Variants in HACD2 observed in about 807,000 individuals in gnomAD.
HACD2 encodes the protein very-long-chain (3R)-3-hydroxyacyl-CoA dehydratase 2.
HACD2 carries 15 observed loss-of-function variants against 31.0 expected under a neutral mutation model. The observed-to-expected ratio is 0.48, with a 90% CI of 0.32 to 0.75. HACD2 has a LOEUF of 0.75. HACD2 is among the 30% of genes least tolerant of loss of function. The probability of loss-of-function intolerance (pLI) is 0.03; values close to 1 mark genes in which losing one functional copy is unlikely to be tolerated. For missense variants in HACD2, 283 were observed against 313.0 expected (o/e 0.90, Z 0.72); for synonymous variants, 115 against 122.2 (o/e 0.94, Z 0.39).
chr3:123,552,239 T>C (rs2056627734), intron 3 of HACD2, among the ~76,000 whole-genome samples: 2 of 152,080 alleles, frequency 1.3e-5, no homozygotes, highest in Admixed American at 1.3e-4. Context: ...TATGGCAATC[T>C]GAAAACGGCA....
intron 2 of HACD2, among the ~76,000 whole-genome samples, chr3:123,571,391 C>T (rs1322361786): frequency 6.6e-6 from 1 of 152,156 alleles, no homozygotes; most frequent in African/African-American, 2.4e-5. Context: ...GTGGGTGGAC[C>T]AGACCCAACC....
intron 4 of HACD2, among the ~76,000 whole-genome samples, chr3:123,527,801 T>A (rs909727178): frequency 6.6e-6 from 1 of 152,210 alleles, no homozygotes; most frequent in African/African-American, 2.4e-5. Flanking sequence ...GATAAATGCT[T>A]AGTAAATATG....
chr3:123,577,436 A>G (rs2056919171), intron 2 of HACD2, among the ~76,000 whole-genome samples: 1 of 151,982 alleles, frequency 6.6e-6, no homozygotes, highest in Non-Finnish European at 1.5e-5. Flanking sequence ...CCTGGCTAAC[A>G]TGGTGAAACC....
intron 1 of HACD2, among the ~76,000 whole-genome samples, chr3:123,583,329 T>C (rs2056986011): frequency 6.6e-6 from 1 of 152,178 alleles, no homozygotes; most frequent in Admixed American, 6.5e-5. Flanking sequence ...CTTACCAATG[T>C]ACCTCAAAAT....
At chr3:123,551,456 T>C (rs945864066) in intron 3 of HACD2, among the ~76,000 whole-genome samples, 4 of 150,568 alleles carry the variant, frequency 2.7e-5, no homozygotes, top group Admixed American at 2.6e-4. Flanking sequence ...CCATCTCTAC[T>C]AAAAAAAAAT....
At chr3:123,509,623 T>C (rs574212771) in intron 4 of HACD2, among the ~76,000 whole-genome samples, 377 of 151,536 alleles carry the variant, frequency 2.5e-3, no homozygotes, top group African/African-American at 8.4e-3. Flanking sequence ...CTCAGCCTCC[T>C]GAGTAGCTGG....
At chr3:123,545,984 T>G (rs1208876651) in intron 3 of HACD2, among the ~76,000 whole-genome samples, 1 of 152,070 alleles carries the variant, frequency 6.6e-6, no homozygotes, top group East Asian at 1.9e-4. Flanking sequence ...GTGCTGGGAT[T>G]ACAAGAATGA....
At chr3:123,574,548 T>G (rs1218508550) in intron 2 of HACD2, among the ~76,000 whole-genome samples, 1 of 152,208 alleles carries the variant, frequency 6.6e-6, no homozygotes, top group Non-Finnish European at 1.5e-5. Context: ...TGTAAAACTC[T>G]ATTTCTCTTT....
At chr3:123,559,891 G>T (rs1424286439) in intron 3 of HACD2, among the ~76,000 whole-genome samples, 2 of 152,176 alleles carry the variant, frequency 1.3e-5, no homozygotes, top group Admixed American at 1.3e-4. Context: ...CTTGCAAAGT[G>T]CGAGGTACCA....
chr3:123,513,667 C>T (rs1461982368), intron 4 of HACD2, among the ~76,000 whole-genome samples: 1 of 152,148 alleles, frequency 6.6e-6, no homozygotes, highest in Non-Finnish European at 1.5e-5. Flanking sequence ...TGTGGCAGGA[C>T]CATCACAGCA....
intron 4 of HACD2, among the ~76,000 whole-genome samples, chr3:123,509,352 A>G (rs1006365850): frequency 1.1e-4 from 16 of 152,014 alleles, no homozygotes; most frequent in African/African-American, 3.4e-4. Flanking sequence ...TGGGCAACAG[A>G]GCAAGACCCT....
chr3:123,567,520 A>G (rs2056804502), intron 3 of HACD2, among the ~76,000 whole-genome samples: 1 of 152,198 alleles, frequency 6.6e-6, no homozygotes, highest in South Asian at 2.1e-4. Context: ...GGTGGGAGAC[A>G]CCTCTTTTAA....
At position 123,584,875 on chromosome 3, in the gene HACD2, G is replaced by A; in HGVS notation, c.153C>T (p.Ala51=). Residue 51 remains alanine (A), a splice_region_variant and synonymous_variant, in exon 1 of 7, where the codon GCC becomes GCT. Coordinates refer to ENST00000383657, the MANE Select transcript of HACD2 (RefSeq NM_198402.5). The stretch of plus-strand genomic sequence containing the variant: ...GCCTCCCCGAGCCCCAGCCTCACCC[G>A]GCTGTCATCACCACATTGTAGATGA... ...YLVIYNVVMT[A]GWLVIAVGLV... is the part of the protein sequence containing the mutation. The A allele has an allele frequency of 4.0e-6, 6 of 1,499,836 alleles. No homozygotes were observed. The highest frequency in any genetic ancestry group is 1.3e-5 in the South Asian group (1 of 79,610). 92.9% of individuals were successfully genotyped at this position (1,499,836 alleles called of 1,614,324 possible).
At chr3:123,584,629 G>C (rs978410336) in intron 1 of HACD2, 1 of 336,496 alleles carries the variant, frequency 3.0e-6, no homozygotes, top group East Asian at 4.6e-5. Context: ...CCCGGCAGCC[G>C]TCCCCGCGCC....
chr3:123,528,192 A>G (rs1259287009), intron 4 of HACD2, among the ~76,000 whole-genome samples, 194 bp downstream of exon 4: 1 of 152,226 alleles, frequency 6.6e-6, no homozygotes, highest in Non-Finnish European at 1.5e-5. Context: ...CTTCTTTTTA[A>G]CAACACTGCA....
chr3:123,584,236 A>C (rs576940742), intron 1 of HACD2, among the ~76,000 whole-genome samples: 4 of 152,308 alleles, frequency 2.6e-5, no homozygotes, highest in Non-Finnish European at 5.9e-5. Context: ...AAAGAGACAG[A>C]AGATGGGTAA....
intron 4 of HACD2, 74 bp from the exon 5 acceptor site, chr3:123,502,755 G>A (rs1256014467): frequency 4.0e-6 from 6 of 1,488,396 alleles, no homozygotes; most frequent in Non-Finnish European, 5.4e-6. Context: ...GCACCCGGCA[G>A]AGCCAGGGAG....
At chr3:123,505,598 C>A (rs188903393) in intron 4 of HACD2, among the ~76,000 whole-genome samples, 1 of 152,226 alleles carries the variant, frequency 6.6e-6, no homozygotes, top group East Asian at 1.9e-4. Context: ...CTCACAGGAG[C>A]CAACAGGGTG....
intron 3 of HACD2, among the ~76,000 whole-genome samples, chr3:123,533,056 C>G (rs946523777): frequency 4.6e-5 from 7 of 152,146 alleles, no homozygotes; most frequent in African/African-American, 1.7e-4. Context: ...CAGAAACCTT[C>G]ACGCTAGATC....
Sources: gnomAD v4.1 joint callset for allele counts (sites outside exome capture counted in the v4.1 genomes callset) on GRCh38, gnomAD v4.1.1 for gene constraint, MANE v1.5 for transcripts, NCBI Gene and HGNC (gene_info 2026-07-23, HGNC 2026-07-21) for gene names.